AGTPBP1: variants seen among roughly 807,000 people sequenced by gnomAD.
AGTPBP1 encodes ATP/GTP binding carboxypeptidase 1, also known as cytosolic carboxypeptidase 1.
In AGTPBP1, 70 loss-of-function variants were observed where a neutral mutation model predicts 143.9. The ratio of observed to expected loss-of-function variants is 0.49; its 90% CI spans 0.40 to 0.59. The LOEUF is 0.59. Ranked by LOEUF, AGTPBP1 falls within the 20% of genes least tolerant of loss-of-function variation. The pLI is 0.00. For synonymous variants in AGTPBP1, 463 were observed against 500.2 expected, an observed-to-expected ratio of 0.93 and a Z score of 0.99; for missense variants, 1,229 against 1,464.5, an observed-to-expected ratio of 0.84 and a Z score of 2.62.
chr9:85,734,505 A>G (rs1419642084), intron 1 of AGTPBP1, among the ~76,000 whole-genome samples: 2 of 152,162 alleles, frequency 1.3e-5, no homozygotes, highest in East Asian at 3.8e-4. Flanking sequence ...TCAACAAAAT[A>G]CTAGGAAACC....
At chr9:85,615,629 T>A (rs1235873459) in intron 17 of AGTPBP1, among the ~76,000 whole-genome samples, 1 of 152,074 alleles carries the variant, frequency 6.6e-6, no homozygotes, top group African/African-American at 2.4e-5. Flanking sequence ...TTTAAAATTA[T>A]GTATGTGAAT....
At chr9:85,754,802 C>G in the AGTPBP1 span, among the ~76,000 whole-genome samples, 1 of 152,116 alleles carries the variant, frequency 6.6e-6, no homozygotes, top group Non-Finnish European at 1.5e-5. Context: ...ACCCATTCCA[C>G]CCAGAAATGT....
intron 25 of AGTPBP1, among the ~76,000 whole-genome samples, chr9:85,548,665 GT>G (rs779748206): frequency 6.4e-5 from 9 of 141,268 alleles, no homozygotes; most frequent in Non-Finnish European, 9.0e-5. Flanking sequence ...TTTGGCTTTG[GT>G]TTTTTTTTGT....
At chr9:85,579,318 A>G (rs190640248) in intron 23 of AGTPBP1, among the ~76,000 whole-genome samples, 161 of 152,342 alleles carry the variant, frequency 1.1e-3, no homozygotes, top group Admixed American at 1.8e-3. Context: ...AAACAATGGA[A>G]GAATCGTATT....
chr9:85,792,244 G>T, the AGTPBP1 span: 1 of 152,096 alleles, frequency 6.6e-6, no homozygotes, highest in South Asian at 2.1e-4. Flanking sequence ...GCACTTCACT[G>T]TCTATCCTCT....
At chr9:85,629,460 G>GGA (rs1831518639) in intron 14 of AGTPBP1, among the ~76,000 whole-genome samples, 1 of 152,156 alleles carries the variant, frequency 6.6e-6, no homozygotes. Flanking sequence ...GCTCAGTCAG[G>GGA]GAGAGAGAGG....
At chr9:85,561,832 A>G (rs1197693535) in intron 25 of AGTPBP1, among the ~76,000 whole-genome samples, 2 of 149,358 alleles carry the variant, frequency 1.3e-5, no homozygotes, top group East Asian at 3.9e-4. Context: ...ATAAAAGTAC[A>G]ATTTTTTTTT....
intron 13 of AGTPBP1, among the ~76,000 whole-genome samples, chr9:85,635,172 C>T (rs1286010576): frequency 2.0e-5 from 3 of 152,082 alleles, no homozygotes; most frequent in Non-Finnish European, 4.4e-5. Context: ...TACATGAATC[C>T]ACCAGTTAAC....
At chr9:85,628,154 G>A (rs1831418000) in intron 14 of AGTPBP1, among the ~76,000 whole-genome samples, 1 of 152,140 alleles carries the variant, frequency 6.6e-6, no homozygotes, top group African/African-American at 2.4e-5. Flanking sequence ...AGTAGTCATG[G>A]CTAAGGTGAT....
chr9:85,795,768 C>G, the AGTPBP1 span, among the ~76,000 whole-genome samples: 2 of 151,704 alleles, frequency 1.3e-5, no homozygotes, highest in Non-Finnish European at 2.9e-5. Context: ...CAGCTGCATC[C>G]ATGTTGCTGC....
the AGTPBP1 span, among the ~76,000 whole-genome samples, chr9:85,759,473 A>G: frequency 6.6e-6 from 1 of 152,100 alleles, no homozygotes; most frequent in Non-Finnish European, 1.5e-5. Flanking sequence ...AAACTCACTC[A>G]AAACCGCTCA....
At chr9:85,713,562 C>A (rs1035495677) in intron 1 of AGTPBP1, among the ~76,000 whole-genome samples, 6 of 152,014 alleles carry the variant, frequency 3.9e-5, no homozygotes, top group African/African-American at 1.4e-4. Context: ...AAACAAAAAA[C>A]CAGTTAATCA....
chr9:85,564,655 T>C (rs754053106), intron 25 of AGTPBP1, among the ~76,000 whole-genome samples: 1 of 152,244 alleles, frequency 6.6e-6, no homozygotes, highest in Non-Finnish European at 1.5e-5. Context: ...GCTTGTAGCC[T>C]AGGAGCAATA....
chr9:85,646,313 A>C lies in AGTPBP1; in HGVS notation c.1185+8T>G. ...TAAAGCTAACTAATTACAGAAATTT[A>C]TACTAACCTTAAAATTTTGATCTAG... On this transcript the variant is annotated splice_region_variant and intron_variant, in intron 12 of 25. Transcript: ENST00000357081. The C allele has an allele frequency of 6.2e-7, 1 of 1,603,814 alleles. No homozygotes were observed. Among genetic ancestry groups the C allele is most frequent in the African/African-American group, 1.3e-5 (1 of 74,856 alleles).
At chr9:85,691,385 T>C (rs577473590) in intron 3 of AGTPBP1, among the ~76,000 whole-genome samples, 1 of 152,264 alleles carries the variant, frequency 6.6e-6, no homozygotes, top group African/African-American at 2.4e-5. Flanking sequence ...AAACATCTTA[T>C]CTGAATGACC....
In AGTPBP1 at chr9:85,592,561, T is replaced by C; in HGVS notation, c.2567A>G (p.Gln856Arg). ...YHYPYTYSTL[Q>R]MHLQKLESAH... ...TACAATTTAATTTAGAGTTCTTACCTGTAAAGTTGAATACGTATATGGATA... is the reference window on the plus strand; with the variant it reads ...TACAATTTAATTTAGAGTTCTTACCCGTAAAGTTGAATACGTATATGGATA... The change falls in exon 19 of 26, where the codon CAG becomes CGG. Residue 856 changes from glutamine to arginine, a missense_variant and splice_region_variant. This residue lies in a region of AGTPBP1 where 486 missense variants were observed against 652.3 expected (regional missense o/e 0.75). Transcript: ENST00000357081. 1 of 1,587,044 alleles carries C rather than the reference T, an allele frequency of 6.3e-7. No individual in the cohort carries two copies. The highest frequency in any genetic ancestry group is 8.5e-7 in the Non-Finnish European group (1 of 1,170,064).
At chr9:85,681,196 C>A (rs972378509) in intron 4 of AGTPBP1, 72 bp downstream of exon 4, 3 of 1,344,328 alleles carry the variant, frequency 2.2e-6, no homozygotes, top group Non-Finnish European at 2.1e-6. Flanking sequence ...TTTATACACA[C>A]ACATACGCTT....
chr9:85,606,793 C>G (rs1339690181), intron 17 of AGTPBP1, among the ~76,000 whole-genome samples: 1 of 151,846 alleles, frequency 6.6e-6, no homozygotes. Flanking sequence ...GTGAAATAAA[C>G]CAGGCATAGA....
chr9:85,752,975 A>G, the AGTPBP1 span, among the ~76,000 whole-genome samples: 3 of 152,200 alleles, frequency 2.0e-5, no homozygotes, highest in African/African-American at 7.2e-5. Context: ...TGATCATGCC[A>G]TTGCACTCTA....
Sources: allele counts gnomAD v4.1 joint callset (sites outside exome capture counted in the v4.1 genomes callset), GRCh38; gene constraint gnomAD v4.1.1; regional missense constraint gnomAD v4.1.1; transcripts MANE v1.5; gene names NCBI Gene and HGNC (gene_info 2026-07-23, HGNC 2026-07-21).